Variants in UBE2V1 observed in about 807,000 individuals in gnomAD.
UBE2V1 encodes ubiquitin conjugating enzyme E2 V1.
Under a neutral mutation model 19.6 loss-of-function variants are expected in UBE2V1, and 15 were observed. The observed-to-expected ratio is 0.77, with a 90% CI of 0.51 to 1.18. UBE2V1 has a LOEUF of 1.18. UBE2V1 is among the 50% of genes most tolerant of loss of function. The probability of loss-of-function intolerance (pLI) is 0.00; values close to 1 mark genes in which losing one functional copy is unlikely to be tolerated. For missense variants in UBE2V1, 125 were observed against 184.8 expected (o/e 0.68, Z 1.88); for synonymous variants, 60 against 60.7 (o/e 0.99, Z 0.05).
chr20:50,096,920 T>C, intron 1 of UBE2V1, 100 bp from the exon 2 acceptor site: 2 of 1,539,556 alleles, frequency 1.3e-6, no homozygotes, highest in Non-Finnish European at 1.7e-6. Flanking sequence ...ATCAAGATGC[T>C]AACATGCAAA....
intron 2 of UBE2V1, among the ~76,000 whole-genome samples, chr20:50,089,548 A>G (rs765453377): frequency 6.6e-6 from 1 of 152,122 alleles, no homozygotes; most frequent in Non-Finnish European, 1.5e-5. Flanking sequence ...ACAAAGGAAA[A>G]GTGTAGTGTG....
rs1213149742 is a variant in UBE2V1, at chr20:50,081,362, A to C, written c.*1406T>G. The C allele has an allele frequency of 1.3e-5, 2 of 151,902 alleles. No individual in the cohort carries two copies. The highest frequency in any genetic ancestry group is 4.9e-5 in the African/African-American group (2 of 41,186). The allele number at this position is 151,902 out of a possible 1,614,324, so 9.4% of individuals were successfully genotyped here. A position where few individuals can be genotyped will look rare whatever the true frequency, so the allele number is the denominator to read the frequency against. ...ATACTAAATTAAAAAAAAAAAAAAAACCTTTAGTACACAATGAATTGCTTT... is the reference window on the plus strand; with the variant it reads ...ATACTAAATTAAAAAAAAAAAAAAACCCTTTAGTACACAATGAATTGCTTT... On this transcript the variant is annotated 3_prime_UTR_variant, in exon 4 of 4. Coordinates refer to ENST00000371674, the MANE Select transcript of UBE2V1 (RefSeq NM_001032288.3).
Position 50,113,132 on chromosome 20 carries a change from G to T in UBE2V1, c.-4C>A. 1 of 1,374,200 alleles carries T rather than the reference G, an allele frequency of 7.3e-7. No homozygotes were observed. The highest frequency in any genetic ancestry group is 9.5e-7 in the Non-Finnish European group (1 of 1,049,888). The allele number at this position is 1,374,200 out of a possible 1,614,324, so 85.1% of individuals were successfully genotyped here. ...CCGAGCCCGTGGTGGCTGCCATCTT[G>T]CGTCGCTCTTGCTTGAAGGCCGGCC... On this transcript the variant is annotated 5_prime_UTR_variant, in exon 1 of 4. Coordinates refer to ENST00000371674, the MANE Select transcript of UBE2V1 (RefSeq NM_001032288.3).
chr20:50,093,265 T>C (rs2079349047), intron 2 of UBE2V1, among the ~76,000 whole-genome samples: 1 of 152,260 alleles, frequency 6.6e-6, no homozygotes, highest in African/African-American at 2.4e-5. Context: ...GATCACATGG[T>C]ATAGACCTTT....
chr20:50,103,174 T>C (rs913689347), intron 1 of UBE2V1, among the ~76,000 whole-genome samples: 6 of 152,246 alleles, frequency 3.9e-5, no homozygotes, highest in African/African-American at 1.4e-4. Context: ...ATCTCCAATG[T>C]GTCAGGGTGT....
chr20:50,084,066 T>C lies in UBE2V1; in HGVS notation c.297+63A>G, dbSNP rs1026792880. 6 of 1,522,762 alleles carry C rather than the reference T, an allele frequency of 3.9e-6. No homozygotes were observed. In the African/African-American group the frequency reaches 7.0e-5, roughly 18 times the overall value. 94.3% of individuals were successfully genotyped at this position (1,522,762 alleles called of 1,614,324 possible). ...GAATTGGGCCCAGTCTAAAAGCTCC[T>C]GATGTTAAGTACAAAGCAACTGTCA... On this transcript the variant is annotated intron_variant, in intron 3 of 3. Transcript: ENST00000371674.
At chr20:50,108,649 A>G (rs1181364588) in intron 1 of UBE2V1, among the ~76,000 whole-genome samples, 1 of 152,252 alleles carries the variant, frequency 6.6e-6, no homozygotes, top group Non-Finnish European at 1.5e-5. Context: ...TCTAGCACTT[A>G]GTAAACCCAA....
chr20:50,106,401 C>G (rs2147173453), intron 1 of UBE2V1, among the ~76,000 whole-genome samples: 1 of 152,284 alleles, frequency 6.6e-6, no homozygotes, highest in Admixed American at 6.5e-5. Context: ...TGAAACACAG[C>G]AACATATTAA....
chr20:50,102,552 C>G (rs1483971434), intron 1 of UBE2V1, among the ~76,000 whole-genome samples: 1 of 152,090 alleles, frequency 6.6e-6, no homozygotes, highest in African/African-American at 2.4e-5. Context: ...GCTACCATGC[C>G]TGACTAATTT....
rs7261304 is a variant in UBE2V1 at position 50,092,515 on chromosome 20, A to G, written c.171+4157T>C. On this transcript the variant is annotated intron_variant, in intron 2 of 3. Transcript: ENST00000371674. ...GTAGAGGCCAGGGATGCTGCTAAACAGCCTACAACGCACATACCTAGCACT... is the reference window on the plus strand; with the variant it reads ...GTAGAGGCCAGGGATGCTGCTAAACGGCCTACAACGCACATACCTAGCACT... Among the ~76,000 whole-genome samples the G allele has an allele frequency of 6.6e-3, 1,009 of 152,234 alleles. 12 individuals carry two copies. The highest frequency in any genetic ancestry group is 0.023 in the African/African-American group (960 of 41,528).
chr20:50,112,164 G>A (rs1161284578), intron 1 of UBE2V1, among the ~76,000 whole-genome samples: 2 of 152,202 alleles, frequency 1.3e-5, no homozygotes. Flanking sequence ...AAAAAGAGGA[G>A]ACTTTTCTCC....
intron 2 of UBE2V1, among the ~76,000 whole-genome samples, chr20:50,087,134 G>A (rs2078963676): frequency 6.6e-6 from 1 of 151,772 alleles, no homozygotes; most frequent in Admixed American, 6.6e-5. Flanking sequence ...GGTGGATGAC[G>A]CCTGTAATCT....
At chr20:50,113,655 A>T (rs2080915084), upstream of UBE2V1, among the ~76,000 whole-genome samples, 1 of 152,122 alleles carries the variant, frequency 6.6e-6, no homozygotes. Flanking sequence ...AGGTCAGATG[A>T]TCTGGCTCCT....
chr20:50,105,677 A>G (rs1187690073), intron 1 of UBE2V1, among the ~76,000 whole-genome samples: 2 of 152,234 alleles, frequency 1.3e-5, no homozygotes, highest in East Asian at 3.8e-4. Flanking sequence ...GGCCAGGCGC[A>G]GTGGCTCACA....
At chr20:50,097,658 T>C (rs1476578853) in intron 1 of UBE2V1, among the ~76,000 whole-genome samples, 1 of 152,172 alleles carries the variant, frequency 6.6e-6, no homozygotes, top group Non-Finnish European at 1.5e-5. Flanking sequence ...TCCCAACCAA[T>C]CCTGACTGTC....
At position 50,110,319 on chromosome 20, in the gene UBE2V1, T is replaced by C. The variant is rs1427922702; in HGVS notation, c.22+2788A>G. 2.0e-5 allele frequency among the ~76,000 whole-genome samples: 3 copies of C among 152,222 alleles called. No homozygotes were observed. The South Asian group carries it at 6.2e-4, about 32-fold the overall frequency. ...CCACCCTCTAAGACATATGTAGATA[T>C]CACACATTGCAGAACCAAAGGAAGT... On this transcript the variant is annotated intron_variant, in intron 1 of 3. Transcript: ENST00000371674.
intron 2 of UBE2V1, among the ~76,000 whole-genome samples, chr20:50,090,315 G>C (rs2079146387): frequency 6.6e-6 from 1 of 152,048 alleles, no homozygotes; most frequent in Non-Finnish European, 1.5e-5. Flanking sequence ...AAATGTCCTA[G>C]AGAAAATATG....
upstream of UBE2V1, among the ~76,000 whole-genome samples, chr20:50,113,739 G>A (rs1362849116): frequency 6.6e-6 from 1 of 152,124 alleles, no homozygotes; most frequent in Admixed American, 6.5e-5. Flanking sequence ...TAAGGTGGCA[G>A]GGAAAGCATT....
upstream of UBE2V1, chr20:50,115,606 C>T (rs2080986036): frequency 6.8e-7 from 1 of 1,461,942 alleles, no homozygotes; most frequent in Non-Finnish European, 9.2e-7. Flanking sequence ...ATAGTAGTAT[C>T]AACCTCATAG....
Sources: gnomAD v4.1 joint callset for allele counts (sites outside exome capture counted in the v4.1 genomes callset) on GRCh38, gnomAD v4.1.1 for gene constraint, MANE v1.5 for transcripts, NCBI Gene and HGNC (gene_info 2026-07-23, HGNC 2026-07-21) for gene names.